Variants in PAX3 observed in about 807,000 individuals in gnomAD.
The protein encoded by PAX3 is paired box protein Pax-3.
In PAX3, 14 loss-of-function variants were observed where a neutral mutation model predicts 51.6. The ratio of observed to expected loss-of-function variants is 0.27; its 90% confidence interval spans 0.18 to 0.42. PAX3 has a LOEUF of 0.42. Among genes scored for constraint, PAX3 ranks in the 10% least tolerant of loss-of-function variants. The pLI, the probability that PAX3 is intolerant of heterozygous loss-of-function variation, is 1.00. For missense variants in PAX3, 540 were observed against 642.8 expected (o/e 0.84, Z 1.73); for synonymous variants, 280 against 253.4 (o/e 1.11, Z -1.00).
At chr2:222,273,565 T>C (rs1431999959) in intron 4 of PAX3, among the ~76,000 whole-genome samples, 1 of 152,166 alleles carries the variant, frequency 6.6e-6, no homozygotes, top group Non-Finnish European at 1.5e-5. Context: ...GCAAAGCCAA[T>C]GTATAAAAGC....
intron 7 of PAX3, among the ~76,000 whole-genome samples, chr2:222,212,630 C>CAA (rs1010523050): frequency 1.5e-5 from 2 of 130,428 alleles, no homozygotes; most frequent in African/African-American, 2.5e-5. Flanking sequence ...CAAACACACA[C>CAA]ACACACACAC....
intron 4 of PAX3, among the ~76,000 whole-genome samples, chr2:222,248,321 CTGTT>C (rs1693301800): frequency 6.6e-6 from 1 of 152,282 alleles, no homozygotes; most frequent in Admixed American, 6.5e-5. Context: ...AATGGACCAA[CTGTT>C]TGTCATAACT....
Position 222,201,103 on chromosome 2 carries a change from G to A in PAX3, c.*305C>T, listed in dbSNP as rs2106031999. 2 of 1,499,718 alleles carry A rather than the reference G, an allele frequency of 1.3e-6. No individual in the cohort carries two copies. Among genetic ancestry groups the A allele is most frequent in the South Asian group, 2.3e-5 (2 of 87,594 alleles). 92.9% of individuals were successfully genotyped at this position (1,499,718 alleles called of 1,614,324 possible). Reference sequence around the variant, plus strand: ...GAATGTTCTAGCTCCTCGATGATCAGCACTAAAGAATTGGGATGTTTTGAT... The same window carrying A: ...GAATGTTCTAGCTCCTCGATGATCAACACTAAAGAATTGGGATGTTTTGAT... On this transcript the variant is annotated 3_prime_UTR_variant, in exon 9 of 9. Coordinates refer to ENST00000392070, the MANE Select transcript of PAX3 (RefSeq NM_181458.4).
intron 4 of PAX3, among the ~76,000 whole-genome samples, chr2:222,254,097 A>T (rs1693543685): frequency 6.7e-6 from 1 of 149,350 alleles, no homozygotes; most frequent in South Asian, 2.2e-4. Context: ...ACAGCAAATG[A>T]CAAGTTTTTT....
At chr2:222,222,560 T>C (rs935055085) in intron 5 of PAX3, among the ~76,000 whole-genome samples, 6 of 152,082 alleles carry the variant, frequency 3.9e-5, no homozygotes, top group African/African-American at 1.2e-4. Flanking sequence ...CCCGCCACCA[T>C]GCCCAGCTAA....
At chr2:222,251,431 A>T (rs1371403861) in intron 4 of PAX3, among the ~76,000 whole-genome samples, 2 of 152,202 alleles carry the variant, frequency 1.3e-5, no homozygotes, top group East Asian at 1.9e-4. Context: ...AAAGGACATG[A>T]ACTCATCCTT....
chr2:222,297,409 C>G (rs1252156230), intron 1 of PAX3, among the ~76,000 whole-genome samples, 196 bp from the exon 2 acceptor site: 1 of 152,220 alleles, frequency 6.6e-6, no homozygotes, highest in Non-Finnish European at 1.5e-5. Context: ...AGCAATATAG[C>G]GCATGTAATC....
intron 4 of PAX3, among the ~76,000 whole-genome samples, chr2:222,256,167 C>T (rs1693635862): frequency 6.6e-6 from 1 of 152,016 alleles, no homozygotes; most frequent in Non-Finnish European, 1.5e-5. Context: ...GTCATGGGCT[C>T]CTTTCTTCCT....
intron 4 of PAX3, among the ~76,000 whole-genome samples, chr2:222,292,850 T>A (rs1162100429): frequency 1.3e-5 from 2 of 152,250 alleles, no homozygotes; most frequent in Admixed American, 6.5e-5. Context: ...GTTTGACATG[T>A]CTTTGATTTC....
intron 3 of PAX3, among the ~76,000 whole-genome samples, chr2:222,294,676 G>A (rs1695191741): frequency 6.6e-6 from 1 of 151,082 alleles, no homozygotes; most frequent in Admixed American, 6.6e-5. Flanking sequence ...CAGCCCACCG[G>A]GTACCCTCCT....
Position 222,298,734 on chromosome 2 carries a change from T to C in PAX3, c.-119A>G. The C allele has an allele frequency of 1.0e-6, 1 of 991,274 alleles. No individual in the cohort carries two copies. Among genetic ancestry groups the C allele is most frequent in the Non-Finnish European group, 1.5e-6 (1 of 646,912 alleles). The allele number at this position is 991,274 out of a possible 1,614,324, so 61.4% of individuals were successfully genotyped here. On this transcript the variant is annotated 5_prime_UTR_variant, in exon 1 of 9. Coordinates refer to ENST00000392070, the MANE Select transcript of PAX3 (RefSeq NM_181458.4). The stretch of plus-strand genomic sequence containing the variant: ...GTGGAGAGCCCCTCCCCAAAACGGC[T>C]GGAGAGAGAGGGAGGGACGCGGGGA...
intron 4 of PAX3, among the ~76,000 whole-genome samples, chr2:222,285,603 C>A (rs988172240): frequency 6.6e-6 from 1 of 152,214 alleles, no homozygotes; most frequent in African/African-American, 2.4e-5. Flanking sequence ...TCAGCATTGA[C>A]TATGAGAGTA....
intron 4 of PAX3, among the ~76,000 whole-genome samples, chr2:222,243,196 C>CT (rs1245797971): frequency 6.6e-6 from 1 of 152,178 alleles, no homozygotes; most frequent in Non-Finnish European, 1.5e-5. Context: ...AAATACTACA[C>CT]TTTTTGTGCC....
rs555018872 is a variant in PAX3, at chr2:222,275,666, A to T, written c.586+18501T>A. ...AAACTTAGTAAAATCTCCTCTTGAT[A>T]GGCTATGACATTTTGCTTTGGATTG... On this transcript the variant is annotated intron_variant, in intron 4 of 8. Transcript: ENST00000392070. Among the ~76,000 whole-genome samples, 9 of 152,336 alleles carry T rather than the reference A, an allele frequency of 5.9e-5. No homozygotes were observed. In the South Asian group the frequency reaches 1.2e-3, roughly 21 times the overall value.
At chr2:222,289,845 G>A (rs1694965827) in intron 4 of PAX3, among the ~76,000 whole-genome samples, 2 of 152,142 alleles carry the variant, frequency 1.3e-5, no homozygotes, top group African/African-American at 4.8e-5. Flanking sequence ...TTAAATGGAT[G>A]ATATTTCTTT....
At position 222,220,414 on chromosome 2, in the gene PAX3, G is replaced by C. The variant is rs1431916673; in HGVS notation, c.959-60C>G. 22 of 1,535,624 alleles carry C rather than the reference G, an allele frequency of 1.4e-5. 2 individuals carry two copies. The highest frequency in any genetic ancestry group is 1.7e-4 in the Middle Eastern group (1 of 5,904). ...CTTTTAGGCCAGCAGAGAAAGTTCA[G>C]TGCAAAAGTTCATCAGCCACCAGGC... On this transcript the variant is annotated intron_variant, in intron 6 of 8. Coordinates refer to ENST00000392070, the MANE Select transcript of PAX3 (RefSeq NM_181458.4).
At chr2:222,291,372 G>C (rs1047249522) in intron 4 of PAX3, among the ~76,000 whole-genome samples, 2 of 152,192 alleles carry the variant, frequency 1.3e-5, no homozygotes, top group African/African-American at 4.8e-5. Flanking sequence ...TCCAGCAAGG[G>C]TGCATCATGC....
chr2:222,207,402 CCTT>C (rs1298897473), intron 7 of PAX3, among the ~76,000 whole-genome samples: 1 of 152,144 alleles, frequency 6.6e-6, no homozygotes, highest in East Asian at 1.9e-4. Context: ...TGTGTGGTGA[CCTT>C]CTCACCCATC....
chr2:222,298,498 G>T, intron 1 of PAX3, 33 bp downstream of exon 1: 2 of 1,553,768 alleles, frequency 1.3e-6, no homozygotes, highest in Non-Finnish European at 8.8e-7. Context: ...CCAGGCCCTG[G>T]GATCCAGGCG....
Sources: allele counts gnomAD v4.1 joint callset (sites outside exome capture counted in the v4.1 genomes callset), GRCh38; gene constraint gnomAD v4.1.1; transcripts MANE v1.5; gene names NCBI Gene and HGNC (gene_info 2026-07-23, HGNC 2026-07-21).